The following RASGRP3 variants were observed in gnomAD, a reference collection of about 807,000 sequenced individuals.
RASGRP3 encodes the protein RAS guanyl releasing protein 3.
A neutral mutation model predicts 82.7 loss-of-function variants in RASGRP3; 54 were observed. The ratio of observed to expected loss-of-function variants is 0.65; its 90% CI spans 0.52 to 0.82. RASGRP3 has a LOEUF of 0.82. RASGRP3 is among the 40% of genes least tolerant of loss of function. The pLI is 0.00. For synonymous variants in RASGRP3, 309 were observed against 300.5 expected (o/e 1.03, Z -0.29); for missense variants, 861 against 828.9 (o/e 1.04, Z -0.48).
In RASGRP3 at chr2:33,480,436, A is replaced by G. The variant is rs74421037; in HGVS notation, c.-261+3729A>G. Among the ~76,000 whole-genome samples, 1,093 of 152,324 alleles carry G rather than the reference A, an allele frequency of 7.2e-3. 18 individuals are homozygous for G. Among genetic ancestry groups the G allele is most frequent in the African/African-American group, 0.025 (1,033 of 41,566 alleles). ...GTAGTAGTCAGTGATGTGGTTTGCTAGACCAAAACCACTGGGAATTGCCTC... is the reference window on the plus strand; with the variant it reads ...GTAGTAGTCAGTGATGTGGTTTGCTGGACCAAAACCACTGGGAATTGCCTC... On this transcript the variant is annotated intron_variant, in intron 1 of 17. Coordinates refer to ENST00000403687, the MANE Select transcript of RASGRP3 (RefSeq NM_001139488.2).
rs367552680 is a variant in RASGRP3, at chr2:33,465,561, A to C, written c.-261+17618A>C. On this transcript the variant is annotated intron_variant, in intron 2 of 18. Transcript: ENST00000402538. ...TGAACATGTTATTAAGTAAAGTACA[A>C]AATGAAATCTTAAGTGCTGATGGAG... 3.3e-5 allele frequency among the ~76,000 whole-genome samples: 5 copies of C among 152,364 alleles called. No individual in the cohort carries two copies. The South Asian group carries it at 1.0e-3, about 32-fold the overall frequency.
chr2:33,442,373 T>A (rs189507699), intron 1 of RASGRP3, among the ~76,000 whole-genome samples: 286 of 152,114 alleles, frequency 1.9e-3, no homozygotes, highest in African/African-American at 6.6e-3. Context: ...CGAAAAAAAA[T>A]TTCTGGTTGG....
chr2:33,516,854 A>C, intron 4 of RASGRP3: 1 of 411,448 alleles, frequency 2.4e-6, no homozygotes, highest in Non-Finnish European at 4.3e-6. Flanking sequence ...GCTGTACTTG[A>C]AAATAATCAC....
intron 1 of RASGRP3, among the ~76,000 whole-genome samples, chr2:33,491,247 C>A (rs990133396): frequency 1.3e-4 from 19 of 151,738 alleles, no homozygotes; most frequent in African/African-American, 4.6e-4. Context: ...ACCTGGGAGG[C>A]AGAGGTTGCA....
At chr2:33,440,821 C>T (rs1665184158) in intron 1 of RASGRP3, among the ~76,000 whole-genome samples, 1 of 152,084 alleles carries the variant, frequency 6.6e-6, no homozygotes, top group South Asian at 2.1e-4. Flanking sequence ...ACTTATTTTA[C>T]AAAAATCCCG....
At chr2:33,484,742 C>G (rs1016682383) in intron 1 of RASGRP3, among the ~76,000 whole-genome samples, 11 of 152,144 alleles carry the variant, frequency 7.2e-5, no homozygotes, top group Non-Finnish European at 1.3e-4. Context: ...CAGAGGTAGA[C>G]AGATTAGCAC....
At chr2:33,548,842 C>G (rs140776055) in intron 13 of RASGRP3, among the ~76,000 whole-genome samples, 1 of 152,112 alleles carries the variant, frequency 6.6e-6, no homozygotes, top group Non-Finnish European at 1.5e-5. Context: ...GCACACACCA[C>G]CACGTCCAGC....
At chr2:33,539,244 T>A in intron 12 of RASGRP3, 34 bp downstream of exon 12, 1 of 1,436,990 alleles carries the variant, frequency 7.0e-7, no homozygotes, top group Non-Finnish European at 9.6e-7. Context: ...GAGAGGGCAC[T>A]AGAAGACCCT....
intron 4 of RASGRP3, chr2:33,516,873 A>C (rs187525475): frequency 2.6e-6 from 1 of 386,802 alleles, no homozygotes; most frequent in African/African-American, 2.1e-5. Context: ...ACTAAGATGT[A>C]AAATGAAGCA....
upstream of RASGRP3, among the ~76,000 whole-genome samples, chr2:33,474,103 C>T (rs777079101): frequency 6.6e-6 from 1 of 152,110 alleles, no homozygotes; most frequent in African/African-American, 2.4e-5. Context: ...GCAGCCTGGC[C>T]TCTAACAGAC....
exon 2 of RASGRP3, chr2:33,447,846 C>T (rs1457965077): frequency 2.6e-5 from 4 of 152,168 alleles, no homozygotes; most frequent in Non-Finnish European, 2.9e-5. Flanking sequence ...ACATCCATAT[C>T]TCTTCTTTGC....
intron 14 of RASGRP3, chr2:33,555,007 T>C (rs533333591): frequency 1.3e-5 from 2 of 152,498 alleles, no homozygotes; most frequent in South Asian, 2.1e-4. Context: ...AGGCCAAACA[T>C]AGAGCAAATG....
At chr2:33,470,795 AT>A (rs1230378168) in intron 2 of RASGRP3, among the ~76,000 whole-genome samples, 1 of 152,174 alleles carries the variant, frequency 6.6e-6, no homozygotes, top group East Asian at 1.9e-4. Flanking sequence ...TATTTTGTAT[AT>A]TTATTTGTAA....
chr2:33,456,379 G>C (rs1270422151), intron 2 of RASGRP3, among the ~76,000 whole-genome samples: 2 of 151,792 alleles, frequency 1.3e-5, no homozygotes, highest in Non-Finnish European at 2.9e-5. Flanking sequence ...ACTTCTTTTG[G>C]ATATTTCAAA....
chr2:33,513,936 G>A (rs1671183303), intron 2 of RASGRP3: 1 of 152,188 alleles, frequency 6.6e-6, no homozygotes, highest in South Asian at 2.1e-4. Flanking sequence ...CATGCTTGTA[G>A]AAGTAATAAG....
chr2:33,504,352 A>G (rs1386995057), intron 1 of RASGRP3, among the ~76,000 whole-genome samples: 2 of 151,860 alleles, frequency 1.3e-5, no homozygotes, highest in Admixed American at 6.6e-5. Context: ...GACTTAATGG[A>G]CTCATTGGTT....
At chr2:33,448,538 C>T (rs969136480) in intron 2 of RASGRP3, among the ~76,000 whole-genome samples, 1 of 152,062 alleles carries the variant, frequency 6.6e-6, no homozygotes, top group Non-Finnish European at 1.5e-5. Context: ...TTGAAAACAT[C>T]ATGCTAAGTG....
At chr2:33,558,441 C>T (rs900282047) in intron 16 of RASGRP3, 105 bp downstream of exon 16, 23 of 1,533,590 alleles carry the variant, frequency 1.5e-5, no homozygotes, top group East Asian at 4.5e-5. Flanking sequence ...TCACTCTAAA[C>T]GCTAAGGCCT....
chr2:33,482,881 C>A (rs1281715639), intron 1 of RASGRP3: 1 of 152,080 alleles, frequency 6.6e-6, no homozygotes, highest in Non-Finnish European at 1.5e-5. Context: ...GTAACTTTTT[C>A]TGAGTATGAA....
Sources: allele counts gnomAD v4.1 joint callset (sites outside exome capture counted in the v4.1 genomes callset), GRCh38; gene constraint gnomAD v4.1.1; transcripts MANE v1.5; gene names NCBI Gene and HGNC (gene_info 2026-07-23, HGNC 2026-07-21).